KCNMA1: variants seen among roughly 807,000 people sequenced by gnomAD.
KCNMA1 encodes the protein Calcium-activated potassium channel subunit alpha-1.
A neutral mutation model predicts 140.0 loss-of-function variants in KCNMA1; 29 were observed. That is an observed-to-expected ratio of 0.21 (90% CI 0.15 to 0.28). The LOEUF (loss-of-function observed/expected upper bound fraction) is 0.28. KCNMA1 is among the 10% of genes least tolerant of loss of function. The pLI, the probability that KCNMA1 is intolerant of heterozygous loss-of-function variation, is 1.00. For synonymous variants in KCNMA1, 612 were observed against 611.9 expected (o/e 1.00, Z 0.00); for missense variants, 880 against 1,602.2 (o/e 0.55, Z 7.70).
chr10:76,992,794 G>A (rs1237051342), intron 19 of KCNMA1, among the ~76,000 whole-genome samples: 1 of 152,202 alleles, frequency 6.6e-6, no homozygotes, highest in Non-Finnish European at 1.5e-5. Flanking sequence ...AAAGAAAATT[G>A]TGCATGATAC....
chr10:77,446,378 C>T (rs184825093), intron 1 of KCNMA1, among the ~76,000 whole-genome samples: 2 of 152,278 alleles, frequency 1.3e-5, no homozygotes, highest in Admixed American at 1.3e-4. Context: ...AGCTTCTGGC[C>T]CAGATGCCAG....
chr10:77,487,090 C>T (rs991697981), intron 1 of KCNMA1, among the ~76,000 whole-genome samples: 9 of 152,142 alleles, frequency 5.9e-5, no homozygotes, highest in African/African-American at 2.2e-4. Flanking sequence ...ATGGTAGGAA[C>T]CAGGAAAGGT....
intron 12 of KCNMA1, among the ~76,000 whole-genome samples, chr10:77,084,169 C>A (rs1040113119): frequency 6.6e-6 from 1 of 152,080 alleles, no homozygotes; most frequent in South Asian, 2.1e-4. Flanking sequence ...CAGGGTCGTT[C>A]GCAGTGTCCC....
intron 19 of KCNMA1, among the ~76,000 whole-genome samples, chr10:76,972,021 CA>C (rs1306107823): frequency 2.0e-5 from 3 of 151,564 alleles, no homozygotes; most frequent in Non-Finnish European, 4.4e-5. Context: ...GCACTTTCCC[CA>C]TCTTAGAATG....
chr10:77,264,163 C>CA (rs1348843569), intron 2 of KCNMA1, among the ~76,000 whole-genome samples: 2 of 152,172 alleles, frequency 1.3e-5, no homozygotes, highest in African/African-American at 4.8e-5. Flanking sequence ...GCCTGGCCCA[C>CA]AGCCCCTGAT....
chr10:77,523,007 C>G (rs1162960577), intron 1 of KCNMA1, among the ~76,000 whole-genome samples: 1 of 152,182 alleles, frequency 6.6e-6, no homozygotes, highest in Non-Finnish European at 1.5e-5. Context: ...AGTGCCCCCT[C>G]CTCTATGTAG....
chr10:76,900,268 C>T (rs181437366), intron 25 of KCNMA1, among the ~76,000 whole-genome samples: 12 of 151,770 alleles, frequency 7.9e-5, no homozygotes, highest in African/African-American at 2.7e-4. Flanking sequence ...AAATGATATC[C>T]TGTTTATTAT....
rs574802609 is a variant in KCNMA1, at chr10:77,256,718, C to A, written c.541-5462G>T. On this transcript the variant is annotated intron_variant, in intron 2 of 27. Transcript: ENST00000286628. ...TAATTAATGATTCTGCATGTTTGAT[C>A]AGGGTTTATCTGCCTACTGAAGGCA... 1.1e-4 allele frequency among the ~76,000 whole-genome samples: 17 copies of A among 152,208 alleles called. No homozygotes were observed. In the East Asian group the frequency reaches 3.3e-3, roughly 29 times the overall value.
chr10:77,174,719 G>C (rs562227065), intron 5 of KCNMA1, among the ~76,000 whole-genome samples: 34 of 152,326 alleles, frequency 2.2e-4, no homozygotes, highest in African/African-American at 7.9e-4. Flanking sequence ...ACACCTGAGA[G>C]CTGGTGGAAA....
In KCNMA1 at chr10:77,008,272, C is replaced by A. The variant is rs997211210; in HGVS notation, c.2092+3695G>T. ...GAAAAAAAATAAATCAAAGATATGT[C>A]AATGATTTGAAGTCAAAGAAAATTC... On this transcript the variant is annotated intron_variant, in intron 18 of 27. Coordinates refer to ENST00000286628, the MANE Select transcript of KCNMA1 (RefSeq NM_001161352.2). 2.8e-6 allele frequency: 4 copies of A among 1,426,318 alleles called. No homozygotes were observed. In the Admixed American group the frequency reaches 6.2e-5, roughly 22 times the overall value. The allele number at this position is 1,426,318 out of a possible 1,614,324, so 88.4% of individuals were successfully genotyped here. A position where few individuals can be genotyped will look rare whatever the true frequency, so the allele number is the denominator to read the frequency against.
intron 25 of KCNMA1, among the ~76,000 whole-genome samples, chr10:76,894,207 C>G (rs1387533747): frequency 6.6e-6 from 1 of 152,068 alleles, no homozygotes; most frequent in Non-Finnish European, 1.5e-5. Flanking sequence ...GTGAGTGTGC[C>G]AAGACCATTC....
intron 10 of KCNMA1, among the ~76,000 whole-genome samples, chr10:77,087,757 C>T (rs564243937): frequency 1.3e-5 from 2 of 152,074 alleles, no homozygotes; most frequent in South Asian, 2.1e-4. Context: ...GATAAGGTAC[C>T]GTGCTAGGCA....
At chr10:77,614,987 T>C (rs548680397) in intron 1 of KCNMA1, among the ~76,000 whole-genome samples, 1 of 152,312 alleles carries the variant, frequency 6.6e-6, no homozygotes, top group East Asian at 1.9e-4. Flanking sequence ...GAAGTCTTCA[T>C]GAAGGAACTT....
intron 14 of KCNMA1, among the ~76,000 whole-genome samples, chr10:77,054,687 T>A (rs2095484411): frequency 6.6e-6 from 1 of 152,210 alleles, no homozygotes; most frequent in South Asian, 2.1e-4. Flanking sequence ...GCATCACTCG[T>A]TACCATGAAA....
intron 2 of KCNMA1, among the ~76,000 whole-genome samples, chr10:77,387,585 CTCTTT>C (rs138520830): frequency 0.061 from 8,720 of 143,262 alleles, 308 homozygotes; most frequent in African/African-American, 0.11. Flanking sequence ...TTTTTCTTTT[CTCTTT>C]TCTTTTCTTT....
chr10:76,930,154 C>A (rs2058897170), intron 23 of KCNMA1: 1 of 152,122 alleles, frequency 6.6e-6, no homozygotes, highest in African/African-American at 2.4e-5. Context: ...TAAAAATCTG[C>A]ACAGCAAAGA....
chr10:77,438,745 T>C (rs1006405346), intron 1 of KCNMA1, among the ~76,000 whole-genome samples: 6 of 152,112 alleles, frequency 3.9e-5, no homozygotes, highest in African/African-American at 1.4e-4. Context: ...AAGTCCTTAT[T>C]CCTTCTCTCC....
chr10:77,042,070 T>C (rs2094742681), intron 14 of KCNMA1, among the ~76,000 whole-genome samples: 1 of 152,190 alleles, frequency 6.6e-6, no homozygotes, highest in Non-Finnish European at 1.5e-5. Flanking sequence ...ACCTCATTAG[T>C]TTGAGCTGCT....
chr10:77,589,470 C>A (rs1303348730), intron 1 of KCNMA1, among the ~76,000 whole-genome samples: 1 of 152,108 alleles, frequency 6.6e-6, no homozygotes, highest in African/African-American at 2.4e-5. Context: ...CCTCTACCAT[C>A]AAGTTTTGAA....
Sources: gnomAD v4.1 joint callset for allele counts (sites outside exome capture counted in the v4.1 genomes callset) on GRCh38, gnomAD v4.1.1 for gene constraint, MANE v1.5 for transcripts, NCBI Gene and HGNC (gene_info 2026-07-23, HGNC 2026-07-21) for gene names.